DNM3: variants seen among roughly 807,000 people sequenced by gnomAD.
The protein encoded by DNM3 is dynamin 3, also known as dynamin-3.
A neutral mutation model predicts 101.6 loss-of-function variants in DNM3; 47 were observed. That is an observed-to-expected ratio of 0.46 (90% CI 0.37 to 0.59). DNM3 has a LOEUF of 0.59. Ranked by LOEUF, DNM3 falls within the 20% of genes least tolerant of loss-of-function variation. DNM3 has a pLI of 0.00. For synonymous variants in DNM3, 385 were observed against 387.9 expected (o/e 0.99, Z 0.09); for missense variants, 849 against 1,085.7 (o/e 0.78, Z 3.06).
chr1:172,129,512 T>C (rs2056822193), intron 13 of DNM3, among the ~76,000 whole-genome samples: 1 of 150,948 alleles, frequency 6.6e-6, no homozygotes, highest in Non-Finnish European at 1.5e-5. Flanking sequence ...GAAAAAGAGG[T>C]TTAATGGACT....
intron 2 of DNM3, among the ~76,000 whole-genome samples, chr1:171,930,095 T>C (rs1347528061): frequency 6.6e-6 from 1 of 152,008 alleles, no homozygotes; most frequent in African/African-American, 2.4e-5. Context: ...ACCAGGTTGC[T>C]TAGAAAAGCA....
chr1:171,924,792 T>C (rs1364419960), intron 2 of DNM3, among the ~76,000 whole-genome samples: 1 of 152,220 alleles, frequency 6.6e-6, no homozygotes, highest in African/African-American at 2.4e-5. Flanking sequence ...GTAGTTTTGA[T>C]CCGTATTTCT....
intron 13 of DNM3, among the ~76,000 whole-genome samples, chr1:172,099,991 C>T (rs1313441617): frequency 1.3e-5 from 2 of 152,168 alleles, no homozygotes; most frequent in Non-Finnish European, 2.9e-5. Flanking sequence ...AGCAGGAAGG[C>T]ATTGTTGACA....
At chr1:172,387,407 C>T (rs759689970) in intron 19 of DNM3, 48 bp downstream of exon 19, 8 of 1,521,542 alleles carry the variant, frequency 5.3e-6, no homozygotes, top group Non-Finnish European at 7.2e-6. Flanking sequence ...CCTGTAATCC[C>T]AGCACTTTGA....
At chr1:171,942,743 G>A (rs952329640) in intron 2 of DNM3, among the ~76,000 whole-genome samples, 1 of 152,158 alleles carries the variant, frequency 6.6e-6, no homozygotes, top group Non-Finnish European at 1.5e-5. Context: ...GTTTTTGTAT[G>A]TCACTAAGTC....
chr1:172,324,599 T>G (rs2065865934), intron 17 of DNM3, among the ~76,000 whole-genome samples: 1 of 152,178 alleles, frequency 6.6e-6, no homozygotes, highest in Non-Finnish European at 1.5e-5. Flanking sequence ...GCAGGTAACT[T>G]TTGAAATTGA....
chr1:172,027,381 G>A (rs567115240), intron 4 of DNM3, among the ~76,000 whole-genome samples: 2 of 152,138 alleles, frequency 1.3e-5, no homozygotes, highest in South Asian at 2.1e-4. Flanking sequence ...TCAGGAGTTC[G>A]AGACCAGCCT....
intron 2 of DNM3, among the ~76,000 whole-genome samples, chr1:171,938,149 A>T (rs565588168): frequency 6.6e-6 from 1 of 152,190 alleles, no homozygotes; most frequent in East Asian, 1.9e-4. Context: ...GCACTCATTC[A>T]ATGTTGAACT....
rs151079727 is a variant in DNM3 at position 171,956,235 on chromosome 1, G to A, written c.236-31421G>A. Among the ~76,000 whole-genome samples the A allele has an allele frequency of 4.5e-3, 689 of 152,248 alleles. 4 individuals carry two copies. Among genetic ancestry groups the A allele is most frequent in the African/African-American group, 0.015 (642 of 41,528 alleles). On this transcript the variant is annotated intron_variant, in intron 2 of 20. Coordinates refer to ENST00000627582, the MANE Select transcript of DNM3 (RefSeq NM_015569.5). ...TCGAAAGTCTCATCTGAGACAAGGC[G>A]AGTCCCTTCTGCCTATGAGCCTGTA...
At chr1:172,106,844 A>ATTTTTTTTTTT (rs1289662689) in intron 13 of DNM3, among the ~76,000 whole-genome samples, 6 of 51,030 alleles carry the variant, frequency 1.2e-4, no homozygotes, top group South Asian at 7.6e-4. Flanking sequence ...AGGTAACATT[A>ATTTTTTTTTTT]TTCTTTTTTT....
rs1199650314 is a variant in DNM3, at chr1:172,092,804, C to T, written c.1494-20C>T. On this transcript the variant is annotated intron_variant, in intron 12 of 20. Coordinates refer to ENST00000627582, the MANE Select transcript of DNM3 (RefSeq NM_015569.5). ...AATTATATGTGTCTCTTCAGTGCTG[C>T]TTTCCTTTGCTTTTCTCAGTGCTCA... 6.5e-7 allele frequency: 1 copy of T among 1,548,902 alleles called. No individual in the cohort carries two copies. Among genetic ancestry groups the T allele is most frequent in the Middle Eastern group, 1.7e-4 (1 of 5,976 alleles).
chr1:171,866,190 C>T (rs953817854), intron 1 of DNM3, among the ~76,000 whole-genome samples: 8 of 152,092 alleles, frequency 5.3e-5, no homozygotes, highest in African/African-American at 1.9e-4. Context: ...AGTGTCAACC[C>T]CCACCTTAGT....
intron 15 of DNM3, among the ~76,000 whole-genome samples, chr1:172,270,105 G>A (rs977494146): frequency 1.3e-5 from 2 of 151,990 alleles, no homozygotes; most frequent in Non-Finnish European, 2.9e-5. Flanking sequence ...GTCCAAAGAG[G>A]ATTATTCTTC....
At chr1:172,263,975 T>A (rs892510277) in intron 15 of DNM3, among the ~76,000 whole-genome samples, 2 of 152,170 alleles carry the variant, frequency 1.3e-5, no homozygotes, top group Non-Finnish European at 1.5e-5. Flanking sequence ...TGAGTTATAG[T>A]GTGTAAGGTA....
intron 14 of DNM3, among the ~76,000 whole-genome samples, chr1:172,203,609 A>G (rs1213836015): frequency 6.6e-6 from 1 of 152,142 alleles, no homozygotes; most frequent in Non-Finnish European, 1.5e-5. Context: ...AATTTATCAC[A>G]TTATTTATCT....
intron 13 of DNM3, among the ~76,000 whole-genome samples, chr1:172,109,989 GTGT>G (rs2055343599): frequency 1.3e-5 from 2 of 152,160 alleles, no homozygotes; most frequent in Non-Finnish European, 2.9e-5. Flanking sequence ...AACAGTTAAT[GTGT>G]TGTTCTTTGT....
chr1:172,056,590 C>T (rs1360957166), intron 10 of DNM3, among the ~76,000 whole-genome samples: 2 of 152,146 alleles, frequency 1.3e-5, no homozygotes, highest in Admixed American at 6.5e-5. Flanking sequence ...CACACTGACA[C>T]CTCACACGGC....
intron 14 of DNM3, among the ~76,000 whole-genome samples, chr1:172,202,207 G>A (rs1007886761): frequency 1.3e-5 from 2 of 152,124 alleles, no homozygotes; most frequent in Admixed American, 6.5e-5. Flanking sequence ...TTTGATTTTA[G>A]AGTAATACTA....
At chr1:172,387,424 G>A (rs576538450) in intron 19 of DNM3, 65 bp downstream of exon 19, 30 of 1,344,560 alleles carry the variant, frequency 2.2e-5, no homozygotes, top group African/African-American at 1.5e-4. Context: ...TTGAGAGGCC[G>A]AGGCGGGCGG....
Sources: allele counts gnomAD v4.1 joint callset (sites outside exome capture counted in the v4.1 genomes callset), GRCh38; gene constraint gnomAD v4.1.1; transcripts MANE v1.5; gene names NCBI Gene and HGNC (gene_info 2026-07-23, HGNC 2026-07-21).